MYOF: variants seen among roughly 807,000 people sequenced by gnomAD.
The protein encoded by MYOF is myoferlin, also known as fer-1-like 3, myoferlin.
A neutral mutation model predicts 284.2 loss-of-function variants in MYOF; 244 were observed. That is an observed-to-expected ratio of 0.86 (90% CI 0.77 to 0.95). MYOF has a LOEUF of 0.95. Among genes scored for constraint, MYOF ranks in the 40% least tolerant of loss-of-function variants. The pLI, the probability that MYOF is intolerant of heterozygous loss-of-function variation, is 0.00. For synonymous variants in MYOF, 904 were observed against 919.7 expected, an observed-to-expected ratio of 0.98 and a Z score of 0.31; for missense variants, 2,496 against 2,560.6, an observed-to-expected ratio of 0.97 and a Z score of 0.54.
chr10:93,385,744 T>G lies in MYOF; in HGVS notation c.1698+2053A>C, dbSNP rs542686536. Among the ~76,000 whole-genome samples, 4 of 152,230 alleles carry G rather than the reference T, an allele frequency of 2.6e-5. No individual in the cohort carries two copies. The East Asian group carries it at 7.7e-4, about 29-fold the overall frequency. ...AAGATGAGCTATTTTGCTGTCTGTGTTTAATTTAGAGCAAAGAAAATGAAT... is the reference window on the plus strand; with the variant it reads ...AAGATGAGCTATTTTGCTGTCTGTGGTTAATTTAGAGCAAAGAAAATGAAT... On this transcript the variant is annotated intron_variant, in intron 19 of 53. Transcript: ENST00000359263.
chr10:93,321,963 T>G (rs1001495599), intron 48 of MYOF, among the ~76,000 whole-genome samples: 1 of 151,166 alleles, frequency 6.6e-6, no homozygotes, highest in Non-Finnish European at 1.5e-5. Flanking sequence ...AGGAGTTTTC[T>G]CTCCGTTCAG....
At position 93,328,897 on chromosome 10, in the gene MYOF, G is replaced by C; in HGVS notation, c.4997C>G (p.Thr1666Ser). 6.2e-7 allele frequency: 1 copy of C among 1,610,426 alleles called. No individual in the cohort carries two copies. The highest frequency in any genetic ancestry group is 8.5e-7 in the Non-Finnish European group (1 of 1,177,282). The change falls in exon 45 of 54, where the codon ACC becomes AGC. Residue 1666 changes from threonine (T) to serine (S), a missense_variant. Thr to Ser is a moderately conservative substitution (Grantham distance 58). Coordinates refer to ENST00000359263, the MANE Select transcript of MYOF (RefSeq NM_013451.4). Reference sequence around the variant, plus strand: ...TGTTGGTCTCAGTTGATCTCGCCAGGTATTGACTCCAGAACTGTGAATAGC... The same window carrying C: ...TGTTGGTCTCAGTTGATCTCGCCAGCTATTGACTCCAGAACTGTGAATAGC... ...PEEYCVSGVN[T>S]WRDQLRPTQL...
chr10:93,465,533 C>CTTTTTTT (rs753278804), intron 1 of MYOF, among the ~76,000 whole-genome samples: 8 of 53,188 alleles, frequency 1.5e-4, no homozygotes, highest in Admixed American at 4.6e-4. Context: ...TCTTTTTTTT[C>CTTTTTTT]TTTTCTTTTT....
chr10:93,416,005 C>T (rs1340310494), intron 5 of MYOF, among the ~76,000 whole-genome samples: 1 of 152,216 alleles, frequency 6.6e-6, no homozygotes, highest in East Asian at 1.9e-4. Context: ...TTCCAGCCAG[C>T]CCTCTGCCCT....
intron 5 of MYOF, among the ~76,000 whole-genome samples, chr10:93,417,892 G>A (rs1848198561): frequency 6.6e-6 from 1 of 152,116 alleles, no homozygotes. Context: ...TCTCCTCCCA[G>A]GCTCAAACAA....
At chr10:93,312,785 G>A (rs1011525335) in intron 51 of MYOF, among the ~76,000 whole-genome samples, 1 of 152,078 alleles carries the variant, frequency 6.6e-6, no homozygotes, top group Non-Finnish European at 1.5e-5. Context: ...TCTACTTTTT[G>A]ACCATTCCAA....
chr10:93,371,598 T>A (rs1221569814), intron 24 of MYOF, among the ~76,000 whole-genome samples: 1 of 152,236 alleles, frequency 6.6e-6, no homozygotes, highest in Non-Finnish European at 1.5e-5. Flanking sequence ...GTAATTGATG[T>A]AATTTATGTT....
chr10:93,397,137 C>T, intron 15 of MYOF, 110 bp downstream of exon 15: 2 of 895,116 alleles, frequency 2.2e-6, no homozygotes, highest in Admixed American at 3.2e-5. Context: ...AATTTATCCT[C>T]TCCTCTGGAA....
chr10:93,415,599 G>A (rs926622182), intron 5 of MYOF, among the ~76,000 whole-genome samples: 2 of 152,086 alleles, frequency 1.3e-5, no homozygotes, highest in Non-Finnish European at 2.9e-5. Flanking sequence ...GAGAAAATTG[G>A]CAATTAGAAG....
At chr10:93,354,702 T>TCTCTCTCTC (rs1491377561) in intron 31 of MYOF, among the ~76,000 whole-genome samples, 22 of 149,844 alleles carry the variant, frequency 1.5e-4, no homozygotes, top group South Asian at 1.1e-3. Context: ...TCTCTCTCTC[T>TCTCTCTCTC]TTGTGAGATA....
chr10:93,471,556 A>G (rs2057146201), intron 1 of MYOF, among the ~76,000 whole-genome samples: 1 of 152,090 alleles, frequency 6.6e-6, no homozygotes, highest in Admixed American at 6.6e-5. Flanking sequence ...CAGCTCCCTC[A>G]TAGGGAAAAT....
At chr10:93,373,215 C>T in intron 23 of MYOF, 130 bp from the exon 24 acceptor site, 1 of 1,069,364 alleles carries the variant, frequency 9.4e-7, no homozygotes, top group East Asian at 2.4e-5. Flanking sequence ...AGGGCTCTGT[C>T]TCAAATTCCT....
chr10:93,356,879 C>T (rs753536179), intron 29 of MYOF, 31 bp from the exon 30 acceptor site: 92 of 1,584,092 alleles, frequency 5.8e-5, no homozygotes, highest in East Asian at 3.1e-4. Flanking sequence ...TTAATGATGA[C>T]GATGATGATG....
chr10:93,330,993 G>A (rs779130617), intron 43 of MYOF, among the ~76,000 whole-genome samples: 1 of 152,192 alleles, frequency 6.6e-6, no homozygotes, highest in African/African-American at 2.4e-5. Flanking sequence ...GTCAAATAAG[G>A]TTGAGAACCA....
At chr10:93,446,203 C>CAAG (rs1230162910) in intron 3 of MYOF, among the ~76,000 whole-genome samples, 7,249 of 152,030 alleles carry the variant, frequency 0.048, 565 homozygotes, top group African/African-American at 0.16. Context: ...GCAGGGTCGG[C>CAAG]CTTCCACTGC....
intron 3 of MYOF, among the ~76,000 whole-genome samples, chr10:93,448,671 A>G (rs1288634905): frequency 6.6e-6 from 1 of 152,176 alleles, no homozygotes; most frequent in Non-Finnish European, 1.5e-5. Flanking sequence ...GAAAGGAAGA[A>G]AACATAAGAT....
chr10:93,461,790 A>G (rs955278637), intron 1 of MYOF, among the ~76,000 whole-genome samples: 2 of 152,190 alleles, frequency 1.3e-5, no homozygotes, highest in Admixed American at 6.5e-5. Flanking sequence ...TTTGGCTGAT[A>G]TAAGTACTTA....
In MYOF at chr10:93,477,909, A is replaced by C. The variant is rs2057300059; in HGVS notation, c.88+4198T>G. Among the ~76,000 whole-genome samples, 3 of 152,140 alleles carry C rather than the reference A, an allele frequency of 2.0e-5. No homozygotes were observed. In the South Asian group the frequency reaches 6.2e-4, roughly 32 times the overall value. On this transcript the variant is annotated intron_variant, in intron 1 of 53. Transcript: ENST00000359263. ...TCACAAAGACACGCACCACAGGGAC[A>C]CCCACTGCAGTACTGTTGCTAACAG...
Position 93,372,966 on chromosome 10 carries a change from T to C in MYOF, c.2421A>G (p.Gly807=). 1.2e-6 allele frequency: 2 copies of C among 1,614,240 alleles called. No individual in the cohort carries two copies. The highest frequency in any genetic ancestry group is 1.7e-6 in the Non-Finnish European group (2 of 1,180,032). ...TGGTTTGGGTTTTCCCACAGTATTT[T>C]CCAGATGCATTCTCACCACTGGTGG... ...LYSTSGENAS[G]KYCGKTQTIF... The change falls in exon 24 of 54, where the codon GGA becomes GGG. Residue 807 remains glycine (G), a synonymous_variant. Coordinates refer to ENST00000359263, the MANE Select transcript of MYOF (RefSeq NM_013451.4).
Sources: gnomAD v4.1 joint callset for allele counts (sites outside exome capture counted in the v4.1 genomes callset) on GRCh38, gnomAD v4.1.1 for gene constraint, MANE v1.5 for transcripts, NCBI Gene and HGNC (gene_info 2026-07-23, HGNC 2026-07-21) for gene names.